REG1A: variants seen among roughly 807,000 people sequenced by gnomAD.
REG1A encodes the protein lithostathine-1-alpha.
REG1A carries 20 observed loss-of-function variants against 20.7 expected under a neutral mutation model. The ratio of observed to expected loss-of-function variants is 0.97; its 90% confidence interval spans 0.68 to 1.41. The LOEUF is 1.41. Ranked by LOEUF, REG1A falls within the 40% of genes most tolerant of loss-of-function variation. The pLI, the probability that REG1A is intolerant of heterozygous loss-of-function variation, is 0.00. For synonymous variants in REG1A, 90 were observed against 71.6 expected, an observed-to-expected ratio of 1.26 and a Z score of -1.30; for missense variants, 193 against 201.8, an observed-to-expected ratio of 0.96 and a Z score of 0.26.
rs558236613 is a variant in REG1A at position 79,122,011 on chromosome 2, G to T, written c.207G>T (p.Ser69=). The T allele has an allele frequency of 1.9e-6, 3 of 1,613,658 alleles. No individual in the cohort carries two copies. Among genetic ancestry groups the T allele is most frequent in the South Asian group, 2.2e-5 (2 of 91,048 alleles). ...AGCTCTATTGCCAGAACATGAATTC[G>T]GGCAACCTGGTGTCTGTGCTCACCC... ...DADLYCQNMN[S]GNLVSVLTQA... Residue 69 remains serine, a synonymous_variant, in exon 4 of 6, where the codon TCG becomes TCT. Transcript: ENST00000233735.
chr2:79,120,873 C>A lies in REG1A; in HGVS notation c.12C>A (p.Thr4=). 1 of 1,612,118 alleles carries A rather than the reference C, an allele frequency of 6.2e-7. No individual in the cohort carries two copies. The highest frequency in any genetic ancestry group is 8.5e-7 in the Non-Finnish European group (1 of 1,178,856). ...CATTGCAGCTCAGCATGGCTCAGACCAGCTCATACTTCATGCTGATCTCCT... is the reference window on the plus strand; with the variant it reads ...CATTGCAGCTCAGCATGGCTCAGACAAGCTCATACTTCATGCTGATCTCCT... MAQ[T]SSYFMLISCL... Residue 4 remains threonine, a synonymous_variant, in exon 2 of 6, where the codon ACC becomes ACA. Transcript: ENST00000233735.
intron 3 of REG1A, 81 bp from the exon 4 acceptor site, chr2:79,121,907 T>C: frequency 1.9e-6 from 3 of 1,573,036 alleles, no homozygotes; most frequent in African/African-American, 1.3e-5. Flanking sequence ...CTGTCCTTTT[T>C]CTGACCCGTC....
rs1672892134 is a variant in REG1A at position 79,121,954 on chromosome 2, C to T, written c.184-34C>T. 2.5e-6 allele frequency: 4 copies of T among 1,610,422 alleles called. No homozygotes were observed. The African/African-American group carries it at 4.0e-5, about 16-fold the overall frequency. The stretch of plus-strand genomic sequence containing the variant: ...CTCAGTATATCCGTCACAACTTCCT[C>T]CTCCACTGAGTGCTCCATTTTCTTC... On this transcript the variant is annotated intron_variant, in intron 3 of 5. Transcript: ENST00000233735.
In REG1A at chr2:79,120,796, TTC is replaced by T. The variant is rs1672871216; in HGVS notation, c.-46-16_-46-15del. ...TTGCTCTCCATCTCTCAGAACCCCCTTCTCTGTGTTCTCCTATAGAGATTGTT... is the reference window on the plus strand; with the variant it reads ...TTGCTCTCCATCTCTCAGAACCCCCTTCTGTGTTCTCCTATAGAGATTGTT... On this transcript the variant is annotated intron_variant, in intron 1 of 5. Transcript: ENST00000233735. The T allele has an allele frequency of 7.8e-7, 1 of 1,288,720 alleles. No individual in the cohort carries two copies. The highest frequency in any genetic ancestry group is 2.1e-5 in the Admixed American group (1 of 48,706). The allele number at this position is 1,288,720 out of a possible 1,614,324, so 79.8% of individuals were successfully genotyped here.
In REG1A at chr2:79,120,807, C is replaced by G; in HGVS notation, c.-46-9C>G. The G allele has an allele frequency of 7.0e-7, 1 of 1,426,060 alleles. No homozygotes were observed. The highest frequency in any genetic ancestry group is 9.7e-7 in the Non-Finnish European group (1 of 1,028,786). 88.3% of individuals were successfully genotyped at this position (1,426,060 alleles called of 1,614,324 possible). ...CTCTCAGAACCCCCTTCTCTGTGTTCTCCTATAGAGATTGTTGATTTGCCT... is the reference window on the plus strand; with the variant it reads ...CTCTCAGAACCCCCTTCTCTGTGTTGTCCTATAGAGATTGTTGATTTGCCT... On this transcript the variant is annotated splice_polypyrimidine_tract_variant and intron_variant, in intron 1 of 5. Transcript: ENST00000233735.
In REG1A at chr2:79,121,992, A is replaced by G; in HGVS notation, c.188A>G (p.Tyr63Cys). The G allele has an allele frequency of 1.2e-6, 2 of 1,613,814 alleles. No homozygotes were observed. The highest frequency in any genetic ancestry group is 1.7e-6 in the Non-Finnish European group (2 of 1,179,932). The change falls in exon 4 of 6, where the codon TAT becomes TGT. Residue 63 changes from tyrosine to cysteine, a missense_variant. By Grantham distance (194) the Tyr-to-Cys change is radical. Coordinates refer to ENST00000233735, the MANE Select transcript of REG1A (RefSeq NM_002909.5). Reference sequence around the variant, plus strand: ...CTCCATTTTCTTCTGCAACAGCTCTATTGCCAGAACATGAATTCGGGCAAC... The same window carrying G: ...CTCCATTTTCTTCTGCAACAGCTCTGTTGCCAGAACATGAATTCGGGCAAC... The part of the protein sequence containing the change: ...DRETWVDADL[Y>C]CQNMNSGNLV...
Position 79,120,939 on chromosome 2 carries a change from TC to T in REG1A, c.64+16del. On this transcript the variant is annotated intron_variant, in intron 2 of 5. Transcript: ENST00000233735. ...CTCAGAGCCAAGGTAAGATCTCTTT[TC>T]CACCAACCAACTCTTTCTAGCCCTG... 6.2e-7 allele frequency: 1 copy of T among 1,611,128 alleles called. No individual in the cohort carries two copies. Among genetic ancestry groups the T allele is most frequent in the Non-Finnish European group, 8.5e-7 (1 of 1,177,764 alleles).
chr2:79,122,152 A>G lies in REG1A; in HGVS notation c.321+27A>G, dbSNP rs571970506. 140 of 1,611,596 alleles carry G rather than the reference A, an allele frequency of 8.7e-5. 1 individual carries two copies. The South Asian group carries it at 1.4e-3, about 17-fold the overall frequency. ...TAGGCTGCAGCCTTCTTTATCTCCTAATGATCAGGTTTGAGAAGTAAGAAG... is the reference window on the plus strand; with the variant it reads ...TAGGCTGCAGCCTTCTTTATCTCCTGATGATCAGGTTTGAGAAGTAAGAAG... On this transcript the variant is annotated intron_variant, in intron 4 of 5. Transcript: ENST00000233735.
At chr2:79,120,953 C>A (rs1454754955) in intron 2 of REG1A, 28 bp downstream of exon 2, 2 of 1,592,220 alleles carry the variant, frequency 1.3e-6, no homozygotes, top group Non-Finnish European at 8.6e-7. Flanking sequence ...CCAACCAACT[C>A]TTTCTAGCCC....
At position 79,121,543 on chromosome 2, in the gene REG1A, A is replaced by T. The variant is rs1449706517; in HGVS notation, c.65-19A>T. 1 of 1,603,440 alleles carries T rather than the reference A, an allele frequency of 6.2e-7. No homozygotes were observed. Among genetic ancestry groups the T allele is most frequent in the South Asian group, 1.1e-5 (1 of 90,808 alleles). The stretch of plus-strand genomic sequence containing the variant: ...TTCCTTACCCTGAGAGCCTCCTTTA[A>T]TTGTCTCTTCTTTTTCAGGCCAAGA... On this transcript the variant is annotated intron_variant, in intron 2 of 5. Transcript: ENST00000233735.
intron 4 of REG1A, 138 bp from the exon 5 acceptor site, chr2:79,122,703 G>T (rs1672905455): frequency 4.4e-6 from 3 of 675,178 alleles, no homozygotes; most frequent in Non-Finnish European, 8.0e-6. Flanking sequence ...TAGAGCAATA[G>T]CAAAGGAAAG....
chr2:79,122,905 C>G lies in REG1A; in HGVS notation c.386C>G (p.Pro129Arg), dbSNP rs745868280. 9 of 1,613,918 alleles carry G rather than the reference C, an allele frequency of 5.6e-6. No individual in the cohort carries two copies. Among genetic ancestry groups the G allele is most frequent in the Non-Finnish European group, 7.6e-6 (9 of 1,180,016 alleles). ...TACAAGTCCTGGGGCATTGGAGCCC[C>G]AAGCAGTGTTAATCCTGGCTACTGT... is the stretch of plus-strand genomic sequence containing the variant. ...VSYKSWGIGA[P>R]SSVNPGYCVS... The change falls in exon 5 of 6, where the codon CCA (proline) becomes CGA (arginine). Residue 129 changes from proline (P) to arginine (R), a missense_variant. Physicochemically the swap from Pro to Arg is moderately radical, Grantham distance 103. Transcript: ENST00000233735.
At position 79,123,264 on chromosome 2, in the gene REG1A, A is replaced by G. The variant is rs766325654; in HGVS notation, c.*49A>G. ...AGAACTGATCCAGCAATTACAACGG[A>G]GTCAAAAATTAAACCGGACCATCTC... is the stretch of plus-strand genomic sequence containing the variant. On this transcript the variant is annotated 3_prime_UTR_variant, in exon 6 of 6. Coordinates refer to ENST00000233735, the MANE Select transcript of REG1A (RefSeq NM_002909.5). The G allele has an allele frequency of 8.0e-7, 1 of 1,254,814 alleles. No homozygotes were observed. The highest frequency in any genetic ancestry group is 1.1e-6 in the Non-Finnish European group (1 of 872,328). The allele number at this position is 1,254,814 out of a possible 1,614,324, so 77.7% of individuals were successfully genotyped here.
At chr2:79,121,385 T>C (rs902076317) in intron 2 of REG1A, among the ~76,000 whole-genome samples, 177 bp from the exon 3 acceptor site, 12 of 152,104 alleles carry the variant, frequency 7.9e-5, no homozygotes, top group African/African-American at 1.4e-4. Context: ...CTGTTTTTTT[T>C]CCCCTGATCA....
intron 2 of REG1A, 47 bp from the exon 3 acceptor site, chr2:79,121,515 C>G (rs979554403): frequency 6.6e-7 from 1 of 1,518,026 alleles, no homozygotes; most frequent in Non-Finnish European, 9.2e-7. Context: ...ACCTTCAAGC[C>G]TTTTCCTTAC....
chr2:79,121,882 A>T, intron 3 of REG1A, 106 bp from the exon 4 acceptor site: 1 of 1,489,302 alleles, frequency 6.7e-7, no homozygotes, highest in Non-Finnish European at 9.3e-7. Flanking sequence ...CAGCATCATC[A>T]CGGACATTAC....
In REG1A at chr2:79,123,194, T is replaced by C. The variant is rs1367945104; in HGVS notation, c.480T>C (p.Phe160=). The C allele has an allele frequency of 1.2e-6, 2 of 1,612,626 alleles. No individual in the cohort carries two copies. Among genetic ancestry groups the C allele is most frequent in the Non-Finnish European group, 1.7e-6 (2 of 1,178,848 alleles). ...KDVPCEDKFS[F]VCKFKN ...TGCCTTGTGAAGACAAGTTCTCCTT[T>C]GTCTGCAAGTTCAAAAACTAGAGGC... The change falls in exon 6 of 6, where the codon TTT becomes TTC. Residue 160 remains phenylalanine, a synonymous_variant. Coordinates refer to ENST00000233735, the MANE Select transcript of REG1A (RefSeq NM_002909.5).
Position 79,120,889 on chromosome 2 carries a change from C to G in REG1A, c.28C>G (p.Leu10Val). The change falls in exon 2 of 6, where the codon CTG (leucine) becomes GTG (valine). Residue 10 changes from leucine (L) to valine (V), a missense_variant. Coordinates refer to ENST00000233735, the MANE Select transcript of REG1A (RefSeq NM_002909.5). ...GGCTCAGACCAGCTCATACTTCATG[C>G]TGATCTCCTGCCTGATGTTTCTGTC... The part of the protein sequence containing the change: MAQTSSYFM[L>V]ISCLMFLSQS... The G allele has an allele frequency of 6.2e-7, 1 of 1,613,364 alleles. No individual in the cohort carries two copies. Among genetic ancestry groups the G allele is most frequent in the Non-Finnish European group, 8.5e-7 (1 of 1,179,618 alleles).
At chr2:79,122,440 A>G (rs1449168700) in intron 4 of REG1A, among the ~76,000 whole-genome samples, 1 of 152,214 alleles carries the variant, frequency 6.6e-6, no homozygotes, top group Non-Finnish European at 1.5e-5. Flanking sequence ...CCGACTATAT[A>G]GGAAAGGAGA....
Sources: gnomAD v4.1 joint callset for allele counts (sites outside exome capture counted in the v4.1 genomes callset) on GRCh38, gnomAD v4.1.1 for gene constraint, MANE v1.5 for transcripts, NCBI Gene and HGNC (gene_info 2026-07-23, HGNC 2026-07-21) for gene names.